The following TBC1D5 variants were observed in gnomAD, a reference collection of about 807,000 sequenced individuals.
TBC1D5 encodes the protein TBC1 domain family, member 5.
A neutral mutation model predicts 100.3 loss-of-function variants in TBC1D5; 75 were observed. The observed-to-expected ratio is 0.75, with a 90% CI of 0.62 to 0.91. TBC1D5 has a LOEUF of 0.91. Ranked by LOEUF, TBC1D5 falls within the 40% of genes least tolerant of loss-of-function variation. The pLI is 0.00. For missense variants in TBC1D5, 910 were observed against 942.4 expected, an observed-to-expected ratio of 0.97 and a Z score of 0.45; for synonymous variants, 323 against 325.6, an observed-to-expected ratio of 0.99 and a Z score of 0.09.
intron 8 of TBC1D5, among the ~76,000 whole-genome samples, chr3:17,394,410 G>A (rs1240832581): frequency 2.0e-5 from 3 of 152,022 alleles, no homozygotes; most frequent in Non-Finnish European, 4.4e-5. Flanking sequence ...GCCTTAACAA[G>A]TTATATTTGT....
At chr3:17,237,922 T>C (rs1349470267) in intron 17 of TBC1D5, among the ~76,000 whole-genome samples, 1 of 152,098 alleles carries the variant, frequency 6.6e-6, no homozygotes, top group African/African-American at 2.4e-5. Context: ...CATCATACTG[T>C]ATGGGCATCT....
rs139481115 is a variant in TBC1D5, at chr3:17,307,416, A to G, written c.1138+576T>C. On this transcript the variant is annotated intron_variant, in intron 14 of 21. Coordinates refer to ENST00000253692, the Ensembl canonical transcript of TBC1D5. Reference sequence around the variant, plus strand: ...AGCTAAGAACTATCAGACTATTCGAAAGGGCTAGACACTGGCTTTCCGGTT... The same window carrying G: ...AGCTAAGAACTATCAGACTATTCGAGAGGGCTAGACACTGGCTTTCCGGTT... Among the ~76,000 whole-genome samples the G allele has an allele frequency of 9.4e-3, 1,426 of 152,306 alleles. 87 individuals are homozygous for G. The highest frequency in any genetic ancestry group is 0.073 in the Admixed American group (1,119 of 15,290).
At chr3:17,656,698 G>A (rs1180549003) in intron 1 of TBC1D5, among the ~76,000 whole-genome samples, 1 of 152,120 alleles carries the variant, frequency 6.6e-6, no homozygotes, top group East Asian at 1.9e-4. Flanking sequence ...GTTCATTCCA[G>A]TGTATGTCAA....
At chr3:17,707,309 A>G (rs1054298069) in intron 1 of TBC1D5, among the ~76,000 whole-genome samples, 4 of 152,110 alleles carry the variant, frequency 2.6e-5, no homozygotes, top group Admixed American at 2.6e-4. Context: ...AGCTTTCACT[A>G]TGACATTATA....
At chr3:17,516,552 C>A (rs2095990993) in intron 2 of TBC1D5, among the ~76,000 whole-genome samples, 1 of 152,114 alleles carries the variant, frequency 6.6e-6, no homozygotes, top group Non-Finnish European at 1.5e-5. Context: ...TGATACATCA[C>A]TTCTATTGTT....
At chr3:17,708,617 A>T (rs759609339) in intron 1 of TBC1D5, among the ~76,000 whole-genome samples, 2 of 152,230 alleles carry the variant, frequency 1.3e-5, no homozygotes, top group African/African-American at 4.8e-5. Flanking sequence ...TGTGACAACA[A>T]AAAGTATCTC....
rs551780811 is a variant in TBC1D5 at position 17,612,554 on chromosome 3, C to T, written c.-36+11295G>A. On this transcript the variant is annotated intron_variant, in intron 2 of 21. Coordinates refer to ENST00000253692, the Ensembl canonical transcript of TBC1D5. ...CTGAGGCAGGAGAATACCTTGAACC[C>T]GGGAGGCAGAGGTAGCAGTGAGCCG... Among the ~76,000 whole-genome samples the T allele has an allele frequency of 2.2e-3, 333 of 151,762 alleles. 2 individuals carry two copies. Among genetic ancestry groups the T allele is most frequent in the Admixed American group, 3.3e-3 (50 of 15,222 alleles).
intron 3 of TBC1D5, among the ~76,000 whole-genome samples, chr3:17,469,683 T>C (rs191842865): frequency 3.3e-5 from 5 of 152,396 alleles, no homozygotes; most frequent in African/African-American, 1.2e-4. Flanking sequence ...CTTATTTACA[T>C]GCATATTTAT....
At chr3:17,637,188 ATTTTTTTTTTTTTTTTTT>A (rs1186523023) in intron 1 of TBC1D5, among the ~76,000 whole-genome samples, 35 of 95,484 alleles carry the variant, frequency 3.7e-4, no homozygotes, top group African/African-American at 1.5e-3. Context: ...TGCCCGACTA[ATTTTTTTTTTTTTTTTTT>A]TTTTTTTTTT....
Position 17,268,094 on chromosome 3 carries a change from A to G in TBC1D5, c.1246-9503T>C, listed in dbSNP as rs151239202. Reference sequence around the variant, plus strand: ...GGGAAAGTATGTCAAGTTAGACCACAGAGAAGACCATGGAGAAGAGTCCAT... The same window carrying G: ...GGGAAAGTATGTCAAGTTAGACCACGGAGAAGACCATGGAGAAGAGTCCAT... On this transcript the variant is annotated intron_variant, in intron 15 of 21. Coordinates refer to ENST00000253692, the Ensembl canonical transcript of TBC1D5. 1.3e-3 allele frequency among the ~76,000 whole-genome samples: 192 copies of G among 152,168 alleles called. 2 individuals carry two copies. Among genetic ancestry groups the G allele is most frequent in the African/African-American group, 4.4e-3 (184 of 41,550 alleles).
chr3:17,301,704 T>G (rs1473710209), intron 14 of TBC1D5, among the ~76,000 whole-genome samples: 1 of 152,122 alleles, frequency 6.6e-6, no homozygotes, highest in Non-Finnish European at 1.5e-5. Context: ...GATTGCAAAG[T>G]GTGAAATCAA....
chr3:17,706,127 G>A (rs554487757), intron 1 of TBC1D5: 27 of 1,604,638 alleles, frequency 1.7e-5, no homozygotes, highest in Admixed American at 3.4e-5. Flanking sequence ...CCAGCAAGTC[G>A]GGCTTGAGGC....
At chr3:17,669,846 T>C (rs1197569988) in intron 1 of TBC1D5, among the ~76,000 whole-genome samples, 2 of 152,118 alleles carry the variant, frequency 1.3e-5, no homozygotes, top group Admixed American at 1.3e-4. Context: ...TTATTCAAGG[T>C]ATATATCTTT....
chr3:17,299,975 T>C (rs988550835), intron 14 of TBC1D5, among the ~76,000 whole-genome samples: 1 of 152,092 alleles, frequency 6.6e-6, no homozygotes, highest in African/African-American at 2.4e-5. Context: ...CCACTTAGTT[T>C]TGTGCTGAAC....
At chr3:17,358,428 C>T (rs1383454088) in intron 13 of TBC1D5, among the ~76,000 whole-genome samples, 1 of 152,088 alleles carries the variant, frequency 6.6e-6, no homozygotes, top group Non-Finnish European at 1.5e-5. Flanking sequence ...TCAGGTGATC[C>T]TCCCACCTCG....
intron 3 of TBC1D5, among the ~76,000 whole-genome samples, chr3:17,499,087 T>C (rs564458131): frequency 6.6e-6 from 1 of 152,190 alleles, no homozygotes; most frequent in Non-Finnish European, 1.5e-5. Flanking sequence ...TTTTCTTGCA[T>C]TCCTCTTATC....
At chr3:17,222,810 T>C (rs1159965018) in intron 17 of TBC1D5, among the ~76,000 whole-genome samples, 1 of 152,082 alleles carries the variant, frequency 6.6e-6, no homozygotes, top group Non-Finnish European at 1.5e-5. Flanking sequence ...ACTCCTGTGA[T>C]ATTATACTCT....
intron 3 of TBC1D5, among the ~76,000 whole-genome samples, chr3:17,505,869 A>G (rs2095839572): frequency 6.6e-6 from 1 of 152,230 alleles, no homozygotes. Context: ...AGAAAATGTC[A>G]TATTTTCTAT....
chr3:17,431,488 T>G (rs1679641776), intron 3 of TBC1D5, among the ~76,000 whole-genome samples: 1 of 151,998 alleles, frequency 6.6e-6, no homozygotes, highest in Admixed American at 6.6e-5. Context: ...TTTGAATACA[T>G]GCATGAATTA....
Sources: gnomAD v4.1 joint callset for allele counts (sites outside exome capture counted in the v4.1 genomes callset) on GRCh38, gnomAD v4.1.1 for gene constraint, MANE v1.5 for transcripts, NCBI Gene and HGNC (gene_info 2026-07-23, HGNC 2026-07-21) for gene names.